Variants in CACNA1C observed in about 807,000 individuals in gnomAD.
CACNA1C encodes voltage-dependent L-type calcium channel subunit alpha-1C.
In CACNA1C, 30 loss-of-function variants were observed where a neutral mutation model predicts 229.0. The observed-to-expected ratio is 0.13, with a 90% CI of 0.10 to 0.18. The LOEUF is 0.18. CACNA1C is among the 10% of genes least tolerant of loss of function. CACNA1C has a pLI of 1.00. For missense variants in CACNA1C, 1,658 were observed against 2,845.0 expected (o/e 0.58, Z 9.49); for synonymous variants, 1,114 against 1,132.5 (o/e 0.98, Z 0.33).
chr12:2,260,541 AAGGAG>A (rs1215550719), intron 3 of CACNA1C, among the ~76,000 whole-genome samples: 1 of 151,828 alleles, frequency 6.6e-6, no homozygotes, highest in African/African-American at 2.4e-5. Flanking sequence ...GAAGAGAGAA[AAGGAG>A]AGGAGCACAG....
intron 1 of CACNA1C, among the ~76,000 whole-genome samples, chr12:2,074,043 TAG>T (rs2062281055): frequency 6.6e-6 from 1 of 152,158 alleles, no homozygotes; most frequent in South Asian, 2.1e-4. Flanking sequence ...CCATTCCTCA[TAG>T]AGTCAGAGAG....
chr12:1,991,405 C>T (rs931557764), intron 1 of CACNA1C: 14 of 234,450 alleles, frequency 6.0e-5, no homozygotes, highest in Non-Finnish European at 1.0e-4. Flanking sequence ...AGGGGAACCA[C>T]GAACGTGAGC....
chr12:2,160,796 G>T (rs941924751), intron 3 of CACNA1C, among the ~76,000 whole-genome samples: 3 of 152,076 alleles, frequency 2.0e-5, no homozygotes, highest in African/African-American at 7.2e-5. Flanking sequence ...TATCGATTTG[G>T]TATGGTAGCT....
intron 3 of CACNA1C, among the ~76,000 whole-genome samples, chr12:2,265,468 G>C (rs370093530): frequency 2.0e-5 from 3 of 152,086 alleles, no homozygotes; most frequent in African/African-American, 4.8e-5. Context: ...CTGCAGAGTG[G>C]GGGGCTGGAA....
At chr12:2,335,815 T>G (rs2096674668) in intron 3 of CACNA1C, among the ~76,000 whole-genome samples, 1 of 152,102 alleles carries the variant, frequency 6.6e-6, no homozygotes, top group Non-Finnish European at 1.5e-5. Context: ...AGACGCAGGA[T>G]GAAGAAAGTT....
Position 2,597,351 on chromosome 12 carries a change from GCTGT to G in CACNA1C, c.2853+68_2853+71del. The stretch of plus-strand genomic sequence containing the variant: ...CTTGTGCCAGCACCAGGTCTCTGCC[GCTGT>G]CTGTCGCTAACACACATGCTCCTTC... On this transcript the variant is annotated intron_variant, in intron 21 of 46. Coordinates refer to ENST00000399655, the MANE Select transcript of CACNA1C (RefSeq NM_000719.7). The surrounding 1 kb of genome is among the most constrained non-coding windows in gnomAD (Gnocchi z 4.3). 1 of 1,493,464 alleles carries G rather than the reference GCTGT, an allele frequency of 6.7e-7. No homozygotes were observed. Among genetic ancestry groups the G allele is most frequent in the Non-Finnish European group, 9.3e-7 (1 of 1,070,392 alleles). 92.5% of individuals were successfully genotyped at this position (1,493,464 alleles called of 1,614,324 possible).
intron 3 of CACNA1C, among the ~76,000 whole-genome samples, chr12:2,430,582 G>T (rs984007568): frequency 1.3e-5 from 2 of 151,066 alleles, no homozygotes; most frequent in African/African-American, 4.9e-5. Context: ...TGGTGGGGGG[G>T]TCCGAGCATG....
intron 3 of CACNA1C, among the ~76,000 whole-genome samples, chr12:2,335,727 G>A (rs535952615): frequency 6.6e-6 from 1 of 152,290 alleles, no homozygotes; most frequent in Non-Finnish European, 1.5e-5. Context: ...GACCCAGAGT[G>A]AGGACATCTG....
chr12:2,641,909 G>A lies in CACNA1C; in HGVS notation c.3913-6566G>A. 6 of 644,362 alleles carry A rather than the reference G, an allele frequency of 9.3e-6. No individual in the cohort carries two copies. In the South Asian group the frequency reaches 1.0e-4, roughly 11 times the overall value. 39.9% of individuals were successfully genotyped at this position (644,362 alleles called of 1,614,324 possible). A position where few individuals can be genotyped will look rare whatever the true frequency, so the allele number is the denominator to read the frequency against. ...GAGCCACCCTCATTCCTAGAAGTGGGATGAAGCATCTGACCATCAGCAGTC... is the reference window on the plus strand; with the variant it reads ...GAGCCACCCTCATTCCTAGAAGTGGAATGAAGCATCTGACCATCAGCAGTC... On this transcript the variant is annotated intron_variant, in intron 30 of 46. Coordinates refer to ENST00000399655, the MANE Select transcript of CACNA1C (RefSeq NM_000719.7).
At chr12:2,062,023 A>G (rs2057692844) in intron 1 of CACNA1C, among the ~76,000 whole-genome samples, 1 of 152,238 alleles carries the variant, frequency 6.6e-6, no homozygotes, top group South Asian at 2.1e-4. Context: ...AGTTTCCCAA[A>G]GCAAAAATAA....
chr12:2,663,125 T>C (rs1178125488), intron 34 of CACNA1C, among the ~76,000 whole-genome samples: 1 of 152,170 alleles, frequency 6.6e-6, no homozygotes, highest in Non-Finnish European at 1.5e-5. Context: ...GAAAAAACTA[T>C]AAATTTGACC....
chr12:2,460,445 C>T (rs1288027704), intron 5 of CACNA1C, among the ~76,000 whole-genome samples: 1 of 152,178 alleles, frequency 6.6e-6, no homozygotes, highest in East Asian at 1.9e-4. Context: ...TGCTCTAGTA[C>T]AGAGATTCTT....
intron 3 of CACNA1C, among the ~76,000 whole-genome samples, chr12:2,441,140 T>A (rs1183466137): frequency 6.6e-6 from 1 of 152,228 alleles, no homozygotes; most frequent in African/African-American, 2.4e-5. Flanking sequence ...GGGCTTCTCA[T>A]CAATTCTGTT....
chr12:2,257,778 T>C (rs2078548862), intron 3 of CACNA1C, among the ~76,000 whole-genome samples: 1 of 152,174 alleles, frequency 6.6e-6, no homozygotes, highest in East Asian at 1.9e-4. Flanking sequence ...TCTCTAGTCT[T>C]CAGAATGTTC....
chr12:2,113,861 G>C (rs1480641056), intron 1 of CACNA1C, among the ~76,000 whole-genome samples: 1 of 152,198 alleles, frequency 6.6e-6, no homozygotes, highest in Non-Finnish European at 1.5e-5. Flanking sequence ...TGCTGTCTTA[G>C]GGACAGTCTC....
chr12:2,056,386 C>A (rs992853218), intron 1 of CACNA1C, among the ~76,000 whole-genome samples: 32 of 152,148 alleles, frequency 2.1e-4, no homozygotes, highest in African/African-American at 5.3e-4. Context: ...TGGGCCTGTG[C>A]CAGCCTCCCA....
chr12:2,652,540 C>T (rs930827432), intron 32 of CACNA1C, among the ~76,000 whole-genome samples: 1 of 152,248 alleles, frequency 6.6e-6, no homozygotes, highest in African/African-American at 2.4e-5. Context: ...CGCTCTCAGC[C>T]TTTCCAAGAC....
intron 3 of CACNA1C, among the ~76,000 whole-genome samples, chr12:2,123,281 CAGG>C (rs1268079114): frequency 1.4e-5 from 2 of 143,526 alleles, no homozygotes; most frequent in Non-Finnish European, 3.0e-5. Context: ...GAGGCTGAGG[CAGG>C]AGAATGGTGT....
chr12:2,656,079 T>C (rs2095406567), intron 34 of CACNA1C, among the ~76,000 whole-genome samples: 1 of 152,196 alleles, frequency 6.6e-6, no homozygotes, highest in African/African-American at 2.4e-5. Flanking sequence ...AACATAATAA[T>C]ACTGGAAGTC....
Sources: gnomAD v4.1 joint callset for allele counts (sites outside exome capture counted in the v4.1 genomes callset) on GRCh38, gnomAD v4.1.1 for gene constraint, Gnocchi (gnomAD v3.1) non-coding constraint, MANE v1.5 for transcripts, NCBI Gene and HGNC (gene_info 2026-07-23, HGNC 2026-07-21) for gene names.